HECW1: variants seen among roughly 807,000 people sequenced by gnomAD.
HECW1 encodes HECT, C2 and WW domain containing E3 ubiquitin protein ligase 1, also known as E3 ubiquitin-protein ligase HECW1.
HECW1 carries 61 observed loss-of-function variants against 182.3 expected under a neutral mutation model. The observed-to-expected ratio is 0.33, with a 90% CI of 0.27 to 0.41. The LOEUF is 0.41. HECW1 is among the 10% of genes least tolerant of loss of function. HECW1 has a pLI of 1.00. For synonymous variants in HECW1, 859 were observed against 832.6 expected, an observed-to-expected ratio of 1.03 and a Z score of -0.55; for missense variants, 1,739 against 2,108.9, an observed-to-expected ratio of 0.82 and a Z score of 3.44.
At position 43,563,031 on chromosome 7, in the gene HECW1, A is replaced by T. The variant is rs768767572; in HGVS notation, c.*1105A>T. 19 of 200,830 alleles carry T rather than the reference A, an allele frequency of 9.5e-5. No homozygotes were observed. Among genetic ancestry groups the T allele is most frequent in the Non-Finnish European group, 1.4e-4 (14 of 97,614 alleles). The allele number at this position is 200,830 out of a possible 1,614,324, so 12.4% of individuals were successfully genotyped here. Reference sequence around the variant, plus strand: ...ATTTTTTTTTCCTTTTCCTTTCTTAATCATGGAGTTCAAGTTCCTTTGCAT... The same window carrying T: ...ATTTTTTTTTCCTTTTCCTTTCTTATTCATGGAGTTCAAGTTCCTTTGCAT... On this transcript the variant is annotated 3_prime_UTR_variant, in exon 30 of 30. Coordinates refer to ENST00000395891, the MANE Select transcript of HECW1 (RefSeq NM_015052.5).
chr7:43,393,809 G>A (rs1231047015), intron 6 of HECW1, among the ~76,000 whole-genome samples: 1 of 151,804 alleles, frequency 6.6e-6, no homozygotes, highest in Non-Finnish European at 1.5e-5. Context: ...TAAAAAGGAA[G>A]GAATAAATGT....
intron 8 of HECW1, 83 bp downstream of exon 8, chr7:43,407,814 C>A: frequency 1.1e-5 from 14 of 1,237,350 alleles, no homozygotes; most frequent in Non-Finnish European, 1.5e-5. Flanking sequence ...TCCCTCCATT[C>A]ATGGAGCCCT....
intron 29 of HECW1, among the ~76,000 whole-genome samples, chr7:43,555,754 G>T (rs1414678590): frequency 6.6e-6 from 1 of 152,176 alleles, no homozygotes; most frequent in Non-Finnish European, 1.5e-5. Flanking sequence ...ACACCCTGGT[G>T]CAGGCTTCAG....
chr7:43,380,533 AT>A (rs113431810), intron 6 of HECW1, among the ~76,000 whole-genome samples: 7 of 151,854 alleles, frequency 4.6e-5, no homozygotes, highest in Non-Finnish European at 8.8e-5. Context: ...AATGTATGTG[AT>A]TTTTTCCCCC....
At chr7:43,321,247 C>T (rs1239537677) in intron 5 of HECW1, among the ~76,000 whole-genome samples, 1 of 152,216 alleles carries the variant, frequency 6.6e-6, no homozygotes, top group Non-Finnish European at 1.5e-5. Context: ...GACATTGGTA[C>T]TACCAGCCTG....
At chr7:43,419,046 G>C (rs59547891) in intron 8 of HECW1, among the ~76,000 whole-genome samples, 1 of 152,156 alleles carries the variant, frequency 6.6e-6, no homozygotes, top group Non-Finnish European at 1.5e-5. Context: ...TGCCCTGTGC[G>C]TGTATGATTC....
intron 2 of HECW1, among the ~76,000 whole-genome samples, chr7:43,184,265 G>A (rs978737511): frequency 2.0e-5 from 3 of 152,088 alleles, no homozygotes; most frequent in East Asian, 1.9e-4. Context: ...CGCCCGCCTC[G>A]GCTTCCCAAA....
intron 5 of HECW1, among the ~76,000 whole-genome samples, chr7:43,339,376 CT>C (rs1490648446): frequency 6.6e-6 from 1 of 152,196 alleles, no homozygotes; most frequent in Admixed American, 6.5e-5. Flanking sequence ...TCTTTCTGCT[CT>C]ACCTGATCTC....
At chr7:43,483,541 C>A (rs1294164853) in intron 17 of HECW1, among the ~76,000 whole-genome samples, 3 of 142,582 alleles carry the variant, frequency 2.1e-5, no homozygotes, top group Admixed American at 7.3e-5. Flanking sequence ...GTCATCCATG[C>A]AAACTCTTTT....
chr7:43,248,016 A>G (rs1017700072), intron 3 of HECW1, among the ~76,000 whole-genome samples: 2 of 139,744 alleles, frequency 1.4e-5, no homozygotes, highest in African/African-American at 5.2e-5. Context: ...AAAGAGAGAA[A>G]GAAGAAAGCA....
rs1450615195 is a variant in HECW1, at chr7:43,354,255, C to G, written c.461-6631C>G. Reference sequence around the variant, plus strand: ...CTAATCCTTCAATGCAAAGACATAGCTGTATATCTACAAGAAAAACAGCAA... The same window carrying G: ...CTAATCCTTCAATGCAAAGACATAGGTGTATATCTACAAGAAAAACAGCAA... On this transcript the variant is annotated intron_variant, in intron 5 of 29. Transcript: ENST00000395891. Among the ~76,000 whole-genome samples the G allele has an allele frequency of 3.3e-5, 5 of 150,468 alleles. No homozygotes were observed. The East Asian group carries it at 9.7e-4, about 29-fold the overall frequency.
intron 24 of HECW1, chr7:43,510,323 G>T (rs2079802261): frequency 1.3e-5 from 2 of 152,202 alleles, no homozygotes; most frequent in African/African-American, 4.8e-5. Flanking sequence ...TTGTGAGCAT[G>T]AAATTTAAGA....
In HECW1 at chr7:43,479,675, C is replaced by T. The variant is rs370199372; in HGVS notation, c.3165C>T (p.Asn1055=). The T allele has an allele frequency of 1.2e-5, 19 of 1,614,090 alleles. No individual in the cohort carries two copies. Among genetic ancestry groups the T allele is most frequent in the South Asian group, 3.3e-5 (3 of 91,080 alleles). Residue 1055 remains asparagine, a synonymous_variant, in exon 17 of 30, where the codon AAC becomes AAT. Coordinates refer to ENST00000395891, the MANE Select transcript of HECW1 (RefSeq NM_015052.5). The part of the protein sequence containing the change: ...TFIDPRIPLQ[N]GRLPNHLTHR... ...TTGACCCCCGAATCCCTCTTCAGAA[C>T]GGTCGTCTTCCCAATCATCTAACTC...
Position 43,500,769 on chromosome 7 carries a change from G to A in HECW1, c.3508G>A (p.Val1170Ile). 3 of 1,613,698 alleles carry A rather than the reference G, an allele frequency of 1.9e-6. No individual in the cohort carries two copies. The highest frequency in any genetic ancestry group is 1.7e-6 in the Non-Finnish European group (2 of 1,179,656). ...GAAGTTGTCCTGTGATGCGGATCTGGTCATTTTGCTGAGGTAGGGGGCTAG... is the reference window on the plus strand; with the variant it reads ...GAAGTTGTCCTGTGATGCGGATCTGATCATTTTGCTGAGGTAGGGGGCTAG... ...LEKLSCDADL[V>I]ILLSLFEEEI... Residue 1170 changes from valine (V) to isoleucine (I), a missense_variant, in exon 20 of 30, where the codon GTC (valine) becomes ATC (isoleucine). By Grantham distance (29) the Val-to-Ile change is conservative. Around this residue, in one of 5 missense-constraint regions of HECW1, gnomAD observed 420 missense variants for 595.7 expected, o/e 0.71. Transcript: ENST00000395891.
chr7:43,165,400 G>GGGA (rs974157456), intron 2 of HECW1, among the ~76,000 whole-genome samples: 1 of 151,162 alleles, frequency 6.6e-6, no homozygotes, highest in African/African-American at 2.5e-5. Flanking sequence ...CTTTTGGCGG[G>GGGA]GGGGGGTGTT....
chr7:43,281,691 T>C (rs1331337636), intron 3 of HECW1, among the ~76,000 whole-genome samples: 1 of 151,776 alleles, frequency 6.6e-6, no homozygotes, highest in Non-Finnish European at 1.5e-5. Context: ...CTCTTTCTTT[T>C]TCTGTTCTCT....
chr7:43,469,131 T>C, intron 16 of HECW1, 26 bp downstream of exon 16: 1 of 1,607,352 alleles, frequency 6.2e-7, no homozygotes, highest in Non-Finnish European at 8.5e-7. Flanking sequence ...GTGCGGGGCT[T>C]TCATCAAACA....
chr7:43,543,608 G>A (rs1164967092), intron 26 of HECW1, among the ~76,000 whole-genome samples: 5 of 151,646 alleles, frequency 3.3e-5, no homozygotes, highest in African/African-American at 9.7e-5. Context: ...GTGAAACCCC[G>A]TCTCTACTAA....
At chr7:43,210,839 A>G (rs1013018316) in intron 2 of HECW1, among the ~76,000 whole-genome samples, 1 of 152,202 alleles carries the variant, frequency 6.6e-6, no homozygotes, top group Admixed American at 6.5e-5. Flanking sequence ...GTGGGTCTGC[A>G]ATGGCGGTAA....
Sources: gnomAD v4.1 joint callset for allele counts (sites outside exome capture counted in the v4.1 genomes callset) on GRCh38, gnomAD v4.1.1 for gene constraint, gnomAD v4.1.1 regional missense constraint, MANE v1.5 for transcripts, NCBI Gene and HGNC (gene_info 2026-07-23, HGNC 2026-07-21) for gene names.